Variants in WDR26 observed in about 807,000 individuals in gnomAD.
WDR26 encodes the protein WD repeat domain 26, also known as WD repeat-containing protein 26.
Under a neutral mutation model 84.1 loss-of-function variants are expected in WDR26, and 5 were observed. The observed-to-expected ratio is 0.06, with a 90% CI of 0.03 to 0.13. The LOEUF is 0.13. Ranked by LOEUF, WDR26 falls within the 10% of genes least tolerant of loss-of-function variation. The probability of loss-of-function intolerance (pLI) is 1.00; values close to 1 mark genes in which losing one functional copy is unlikely to be tolerated. For synonymous variants in WDR26, 415 were observed against 389.6 expected, an observed-to-expected ratio of 1.07 and a Z score of -0.77; for missense variants, 642 against 974.9, an observed-to-expected ratio of 0.66 and a Z score of 4.55.
At chr1:224,424,716 G>C in intron 3 of WDR26, 62 bp from the exon 4 acceptor site, 1 of 1,608,416 alleles carries the variant, frequency 6.2e-7, no homozygotes, top group Non-Finnish European at 8.5e-7. Flanking sequence ...GAAAATGTTT[G>C]TGCCTAAACA....
Position 224,387,739 on chromosome 1 carries a change from T to C in WDR26, c.*2096A>G, listed in dbSNP as rs1397493953. On this transcript the variant is annotated 3_prime_UTR_variant, in exon 14 of 14. Coordinates refer to ENST00000414423, the MANE Select transcript of WDR26 (RefSeq NM_001379403.1). ...ATGCCCACATTTAGTGATGTTACCA[T>C]AGAGACTGGGGTGTATTAACGGCTT... 3.3e-5 allele frequency: 5 copies of C among 152,582 alleles called. No individual in the cohort carries two copies. The highest frequency in any genetic ancestry group is 2.6e-4 in the Admixed American group (4 of 15,276). The allele number at this position is 152,582 out of a possible 1,614,324, so 9.5% of individuals were successfully genotyped here.
intron 3 of WDR26, among the ~76,000 whole-genome samples, chr1:224,426,350 C>A (rs1277726064): frequency 6.6e-6 from 1 of 151,942 alleles, no homozygotes; most frequent in Non-Finnish European, 1.5e-5. Flanking sequence ...CAATAATAAA[C>A]CCTCTCATAT....
At chr1:224,393,801 CATA>C in intron 13 of WDR26, 24 bp downstream of exon 13, 1 of 1,468,050 alleles carries the variant, frequency 6.8e-7, no homozygotes, top group Middle Eastern at 1.9e-4. Flanking sequence ...TTGGACAAAA[CATA>C]GTAACATTAT....
chr1:224,406,385 T>C (rs1486544394), intron 7 of WDR26, among the ~76,000 whole-genome samples: 1 of 151,914 alleles, frequency 6.6e-6, no homozygotes, highest in Admixed American at 6.6e-5. Context: ...AGTTTAGCTT[T>C]GAGCCTGGGG....
At chr1:224,393,190 G>C (rs1004733875) in intron 13 of WDR26, among the ~76,000 whole-genome samples, 3 of 152,166 alleles carry the variant, frequency 2.0e-5, no homozygotes, top group African/African-American at 7.2e-5. Flanking sequence ...CTCAACAAGT[G>C]AATTAGTTTT....
At chr1:224,414,591 T>C (rs1198087272) in intron 6 of WDR26, among the ~76,000 whole-genome samples, 1 of 152,146 alleles carries the variant, frequency 6.6e-6, no homozygotes, top group Non-Finnish European at 1.5e-5. Flanking sequence ...AGTTTTCTAG[T>C]TCCAATGCTA....
At chr1:224,403,461 T>C (rs1673470950) in intron 8 of WDR26, among the ~76,000 whole-genome samples, 1 of 152,252 alleles carries the variant, frequency 6.6e-6, no homozygotes, top group Non-Finnish European at 1.5e-5. Context: ...TTTTGACTTT[T>C]CTTAATATTT....
rs1270565121 is a variant in WDR26, at chr1:224,419,583, C to T, written c.1097G>A (p.Arg366His). 2.5e-6 allele frequency: 4 copies of T among 1,613,832 alleles called. No individual in the cohort carries two copies. The highest frequency in any genetic ancestry group is 3.4e-6 in the Non-Finnish European group (4 of 1,179,916). Reference sequence around the variant, plus strand: ...TTTGCCTTCCCATTCTGCTTTTGCACGTAGGTCTTCTGCATGGCTACACAT... The same window carrying T: ...TTTGCCTTCCCATTCTGCTTTTGCATGTAGGTCTTCTGCATGGCTACACAT... The change falls in exon 5 of 14, where the codon CGT (arginine) becomes CAT (histidine). Residue 366 changes from arginine (R) to histidine (H), a missense_variant. By Grantham distance (29) the Arg-to-His change is conservative. Transcript: ENST00000414423.
In WDR26 at chr1:224,434,230, G is replaced by A. The variant is rs1006639380; in HGVS notation, c.176C>T (p.Ser59Leu). The change falls in exon 1 of 14, where the codon TCG (serine) becomes TTG (leucine). Residue 59 changes from serine (S) to leucine (L), a missense_variant. By Grantham distance (145) the Ser-to-Leu change is moderately radical. Transcript: ENST00000414423. ...GGAGGAGGAGGAGGAGGAGGAGGAC[G>A]AGGACGACGAGGACGGAGGGGAGAG... The A allele has an allele frequency of 7.2e-7, 1 of 1,379,662 alleles. No homozygotes were observed. Among genetic ancestry groups the A allele is most frequent in the East Asian group, 2.6e-5 (1 of 37,800 alleles). 85.5% of individuals were successfully genotyped at this position (1,379,662 alleles called of 1,614,324 possible).
At chr1:224,402,846 A>G (rs984729016) in intron 8 of WDR26, among the ~76,000 whole-genome samples, 72 of 152,182 alleles carry the variant, frequency 4.7e-4, no homozygotes, top group Non-Finnish European at 8.8e-5. Context: ...TTTGACAAAA[A>G]TGGCATAAAA....
chr1:224,401,548 C>T (rs73125529), intron 8 of WDR26, among the ~76,000 whole-genome samples: 11,444 of 151,116 alleles, frequency 0.076, 1,390 homozygotes, highest in African/African-American at 0.26. Flanking sequence ...GTGGTGCATG[C>T]CTATAATCCC....
Position 224,389,728 on chromosome 1 carries a change from G to C in WDR26, c.*107C>G, listed in dbSNP as rs370079490. 2.6e-6 allele frequency: 3 copies of C among 1,160,074 alleles called. No individual in the cohort carries two copies. The highest frequency in any genetic ancestry group is 3.9e-6 in the Non-Finnish European group (3 of 779,100). 71.9% of individuals were successfully genotyped at this position (1,160,074 alleles called of 1,614,324 possible). A position where few individuals can be genotyped will look rare whatever the true frequency, so the allele number is the denominator to read the frequency against. Reference sequence around the variant, plus strand: ...TCAGAAATGGTTCTTTTTTCATGACGAGCATGTCTGTCCAGCTATCAATCA... The same window carrying C: ...TCAGAAATGGTTCTTTTTTCATGACCAGCATGTCTGTCCAGCTATCAATCA... On this transcript the variant is annotated 3_prime_UTR_variant, in exon 14 of 14. Transcript: ENST00000414423.
intron 9 of WDR26, among the ~76,000 whole-genome samples, chr1:224,400,312 A>G (rs1013620200): frequency 6.6e-6 from 1 of 151,928 alleles, no homozygotes; most frequent in African/African-American, 2.4e-5. Flanking sequence ...TGGTTACAAA[A>G]ATCTCAAAAG....
At chr1:224,405,593 C>A (rs1673527748) in intron 7 of WDR26, among the ~76,000 whole-genome samples, 1 of 152,202 alleles carries the variant, frequency 6.6e-6, no homozygotes, top group Admixed American at 6.5e-5. Context: ...AACAATACTT[C>A]ATTTAATTCT....
rs1674397402 is a variant in WDR26 at position 224,431,669 on chromosome 1, T to A, written c.822+13A>T. On this transcript the variant is annotated intron_variant, in intron 2 of 13. Transcript: ENST00000414423. Reference sequence around the variant, plus strand: ...TTAGCAGCAGTCACACAGCTCTATATGCCCTACTTTACCTTATCCCAGTCT... The same window carrying A: ...TTAGCAGCAGTCACACAGCTCTATAAGCCCTACTTTACCTTATCCCAGTCT... 1.2e-6 allele frequency: 2 copies of A among 1,613,008 alleles called. No individual in the cohort carries two copies. The highest frequency in any genetic ancestry group is 1.7e-6 in the Non-Finnish European group (2 of 1,179,146).
chr1:224,405,940 A>C (rs891793816), intron 7 of WDR26, among the ~76,000 whole-genome samples: 1 of 152,254 alleles, frequency 6.6e-6, no homozygotes, highest in Admixed American at 6.5e-5. Flanking sequence ...ATGAATCAGA[A>C]AGACACAGGA....
rs545992028 is a variant in WDR26, at chr1:224,398,816, A to C, written c.1865+73T>G. ...CAAAACGAAAAACATAAAAACTGTG[A>C]AAAGGCAAGTTCCACTACACATTTG... is the stretch of plus-strand genomic sequence containing the variant. On this transcript the variant is annotated intron_variant, in intron 10 of 13. Transcript: ENST00000414423. 626 of 1,577,352 alleles carry C rather than the reference A, an allele frequency of 4.0e-4. 4 individuals carry two copies. In the African/African-American group the frequency reaches 6.7e-3, roughly 17 times the overall value.
At position 224,410,740 on chromosome 1, in the gene WDR26, A is replaced by G. The variant is rs1260293328; in HGVS notation, c.1458+687T>C. On this transcript the variant is annotated intron_variant, in intron 7 of 13. Coordinates refer to ENST00000414423, the MANE Select transcript of WDR26 (RefSeq NM_001379403.1). ...GAGACAGGGTCTCACTCTGTTGCCC[A>G]GCCTTGAGTGTGCAGTATCAAGGTC... Among the ~76,000 whole-genome samples the G allele has an allele frequency of 3.1e-5, 4 of 128,160 alleles. No homozygotes were observed. In the East Asian group the frequency reaches 8.6e-4, roughly 28 times the overall value. The allele number at this position is 128,160 out of a possible 152,430, so 84.1% of individuals were successfully genotyped here.
At chr1:224,392,160 G>C (rs1673145836) in intron 13 of WDR26, among the ~76,000 whole-genome samples, 1 of 152,128 alleles carries the variant, frequency 6.6e-6, no homozygotes, top group South Asian at 2.1e-4. Context: ...AGGAGATCGA[G>C]ACCATCCTGG....
Sources: gnomAD v4.1 joint callset for allele counts (sites outside exome capture counted in the v4.1 genomes callset) on GRCh38, gnomAD v4.1.1 for gene constraint, MANE v1.5 for transcripts, NCBI Gene and HGNC (gene_info 2026-07-23, HGNC 2026-07-21) for gene names.